The following CARD14 variants were observed in gnomAD, a reference collection of about 807,000 sequenced individuals.
CARD14 encodes caspase recruitment domain-containing protein 14.
A neutral mutation model predicts 111.5 loss-of-function variants in CARD14; 107 were observed. The observed-to-expected ratio is 0.96, with a 90% confidence interval of 0.82 to 1.13. CARD14 has a LOEUF of 1.13. CARD14 is among the 50% of genes most tolerant of loss of function. CARD14 has a pLI of 0.00. For synonymous variants in CARD14, 617 were observed against 579.6 expected (o/e 1.06, Z -0.93); for missense variants, 1,322 against 1,362.3 (o/e 0.97, Z 0.47).
At position 80,188,469 on chromosome 17, in the gene CARD14, C is replaced by T. The variant is rs1318707789; in HGVS notation, c.768C>T (p.Asp256=). The change falls in exon 8 of 24, where the codon GAC becomes GAT. Residue 256 remains aspartate (D), a synonymous_variant. Transcript: ENST00000648509. The surrounding 1 kb of genome is among the most constrained non-coding windows in gnomAD (Gnocchi z 4.5). The part of the protein sequence containing the change: ...LQEQSLRTAS[D]QESGDEELNR... ...AGCAGTCCCTGAGGACAGCCAGCGA[C>T]CAGGAGTCCGGGGATGAGGAGCTGA... 6.3e-7 allele frequency: 1 copy of T among 1,598,608 alleles called. No homozygotes were observed.
chr17:80,206,157 C>A (rs1250241346), intron 22 of CARD14, among the ~76,000 whole-genome samples: 7 of 152,212 alleles, frequency 4.6e-5, no homozygotes, highest in Non-Finnish European at 8.8e-5. Context: ...GCATAGCACA[C>A]AGCCTCATTT....
chr17:80,201,458 T>C lies in CARD14; in HGVS notation c.1852-286T>C. 1 of 417,450 alleles carries C rather than the reference T, an allele frequency of 2.4e-6. No individual in the cohort carries two copies. The highest frequency in any genetic ancestry group is 2.5e-5 in the South Asian group (1 of 39,362). The allele number at this position is 417,450 out of a possible 1,614,324, so 25.9% of individuals were successfully genotyped here. On this transcript the variant is annotated intron_variant, in intron 16 of 23. Transcript: ENST00000648509. This position sits in a 1 kb window ranked among gnomAD's most constrained non-coding sequence, Gnocchi z 5.0. ...CGAGGTTCTTTCTTTTCTTTTCTTT[T>C]CTTTTTCAAGACAGGAAAGTGCTTA...
At chr17:80,191,827 G>T (rs930867559) in intron 11 of CARD14, among the ~76,000 whole-genome samples, 1 of 151,802 alleles carries the variant, frequency 6.6e-6, no homozygotes, top group African/African-American at 2.4e-5. Context: ...CAGTGTAGAT[G>T]CTGTGTTCCT....
intron 21 of CARD14, 113 bp downstream of exon 21, chr17:80,205,318 C>A: frequency 8.5e-7 from 1 of 1,174,178 alleles, no homozygotes; most frequent in Non-Finnish European, 1.2e-6. Context: ...CCACCACGCA[C>A]ATTCCCACAC....
rs2041079038 is a variant in CARD14 at position 80,203,141 on chromosome 17, G to GTGCC, written c.2220-678_2220-675dup. On this transcript the variant is annotated intron_variant, in intron 18 of 23. Transcript: ENST00000648509. This position sits in a 1 kb window ranked among gnomAD's most constrained non-coding sequence, Gnocchi z 4.6. ...AAAACTTAGCTGGGCGTGGTGGCAG[G>GTGCC]TGCCTGTAATCCCAGCTACTCAGGA... 1 of 152,082 alleles carries GTGCC rather than the reference G, an allele frequency of 6.6e-6. No individual in the cohort carries two copies. Among genetic ancestry groups the GTGCC allele is most frequent in the African/African-American group, 2.4e-5 (1 of 41,374 alleles). 9.4% of individuals were successfully genotyped at this position (152,082 alleles called of 1,614,324 possible).
chr17:80,201,601 C>A lies in CARD14; in HGVS notation c.1852-143C>A. 1 of 809,996 alleles carries A rather than the reference C, an allele frequency of 1.2e-6. No individual in the cohort carries two copies. Among genetic ancestry groups the A allele is most frequent in the Non-Finnish European group, 2.1e-6 (1 of 475,626 alleles). 50.2% of individuals were successfully genotyped at this position (809,996 alleles called of 1,614,324 possible). A position where few individuals can be genotyped will look rare whatever the true frequency, so the allele number is the denominator to read the frequency against. ...GCCCCACAGAGGCTCTGGTGTGTGG[C>A]TTTGTTTTGACCAAGGCGTGCAGGC... On this transcript the variant is annotated intron_variant, in intron 16 of 23. Transcript: ENST00000648509. This position sits in a 1 kb window ranked among gnomAD's most constrained non-coding sequence, Gnocchi z 5.0.
intron 1 of CARD14, among the ~76,000 whole-genome samples, chr17:80,172,009 C>T (rs546947181): frequency 5.4e-4 from 83 of 152,322 alleles, no homozygotes; most frequent in African/African-American, 1.4e-3. Flanking sequence ...TCAGGATATC[C>T]GCAGAGACCT....
chr17:80,198,277 T>G lies in CARD14; in HGVS notation c.1658+115T>G. The G allele has an allele frequency of 6.4e-7, 1 of 1,563,252 alleles. No homozygotes were observed. The highest frequency in any genetic ancestry group is 8.8e-7 in the Non-Finnish European group (1 of 1,141,752). Reference sequence around the variant, plus strand: ...GGAGGCAACAGCCTTTCCAAGCACATGGGGCCATGGAGGGGGAGGAGAATT... The same window carrying G: ...GGAGGCAACAGCCTTTCCAAGCACAGGGGGCCATGGAGGGGGAGGAGAATT... On this transcript the variant is annotated intron_variant, in intron 15 of 23. Coordinates refer to ENST00000648509, the MANE Select transcript of CARD14 (RefSeq NM_001366385.1). This position sits in a 1 kb window ranked among gnomAD's most constrained non-coding sequence, Gnocchi z 7.5.
Position 80,198,378 on chromosome 17 carries a change from C to T in CARD14, c.1659-21C>T, listed in dbSNP as rs769153687. ...CTCCTGCTCTGGGCAGTGCACAAGCCGGTCGTCTCCCGGCCTGCAGCGGCG... is the reference window on the plus strand; with the variant it reads ...CTCCTGCTCTGGGCAGTGCACAAGCTGGTCGTCTCCCGGCCTGCAGCGGCG... On this transcript the variant is annotated intron_variant, in intron 15 of 23. Coordinates refer to ENST00000648509, the MANE Select transcript of CARD14 (RefSeq NM_001366385.1). This position sits in a 1 kb window ranked among gnomAD's most constrained non-coding sequence, Gnocchi z 7.5. 41 of 1,584,018 alleles carry T rather than the reference C, an allele frequency of 2.6e-5. No individual in the cohort carries two copies. Among genetic ancestry groups the T allele is most frequent in the Middle Eastern group, 1.7e-4 (1 of 5,900 alleles).
At chr17:80,172,539 G>A (rs935562007) in intron 1 of CARD14, among the ~76,000 whole-genome samples, 5 of 152,248 alleles carry the variant, frequency 3.3e-5, no homozygotes, top group South Asian at 4.1e-4. Flanking sequence ...CGCTTTCATC[G>A]GGGCTGAGGG....
chr17:80,198,062 G>A lies in CARD14; in HGVS notation c.1595-37G>A, dbSNP rs913105567. 21 of 1,610,434 alleles carry A rather than the reference G, an allele frequency of 1.3e-5. No homozygotes were observed. The highest frequency in any genetic ancestry group is 1.4e-5 in the Non-Finnish European group (17 of 1,177,658). On this transcript the variant is annotated intron_variant, in intron 14 of 23. Coordinates refer to ENST00000648509, the MANE Select transcript of CARD14 (RefSeq NM_001366385.1). The surrounding 1 kb of genome is among the most constrained non-coding windows in gnomAD (Gnocchi z 7.5). ...TTACAGGACGCCCCATCAGCAGTGG[G>A]GTGACCAAGATCTGTGAGCTCTTGG...
chr17:80,208,350 C>A lies in CARD14; in HGVS notation c.*5C>A. 6.3e-7 allele frequency: 1 copy of A among 1,586,310 alleles called. No individual in the cohort carries two copies. Among genetic ancestry groups the A allele is most frequent in the Non-Finnish European group, 8.6e-7 (1 of 1,164,542 alleles). On this transcript the variant is annotated 3_prime_UTR_variant, in exon 24 of 24. Coordinates refer to ENST00000648509, the MANE Select transcript of CARD14 (RefSeq NM_001366385.1). The stretch of plus-strand genomic sequence containing the variant: ...ACGGAGCAGAGCCCCCGATGATGCA[C>A]CGTGCCCCTTCCCGGGACTGTGGGG...
At position 80,195,338 on chromosome 17, in the gene CARD14, AGCACTGGGGTCCTTCCTGGCACTGGGGTG is replaced by A. The variant is rs747205873; in HGVS notation, c.1499+27_1499+55del. 375 of 1,605,532 alleles carry A rather than the reference AGCACTGGGGTCCTTCCTGGCACTGGGGTG, an allele frequency of 2.3e-4. No homozygotes were observed. Among genetic ancestry groups the A allele is most frequent in the Non-Finnish European group, 3.0e-4 (350 of 1,174,328 alleles). ...GGAAGAACCCTGGTCTTTCAGGTAG[AGCACTGGGGTCCTTCCTGGCACTGGGGTG>A]GCACTGGGGTCCTTCCTGGCAACTC... On this transcript the variant is annotated splice_donor_region_variant and intron_variant, in intron 13 of 23. Coordinates refer to ENST00000648509, the MANE Select transcript of CARD14 (RefSeq NM_001366385.1). This position sits in a 1 kb window ranked among gnomAD's most constrained non-coding sequence, Gnocchi z 4.7.
Position 80,195,626 on chromosome 17 carries a change from TG to T in CARD14, c.1570del (p.Asp524IlefsTer5), listed in dbSNP as rs776893192. On this transcript the variant is annotated frameshift_variant, in exon 14 of 24. Transcript: ENST00000648509. LOFTEE classifies it high-confidence loss of function. The surrounding 1 kb of genome is among the most constrained non-coding windows in gnomAD (Gnocchi z 4.7). ...LPGAKAGDPH[L>X]DYELLDTADL... ...GGAGCTAAGGCAGGCGACCCACACCTGGATTATGAGCTCCTAGACACGGCAG... is the reference window on the plus strand; with the variant it reads ...GGAGCTAAGGCAGGCGACCCACACCTGATTATGAGCTCCTAGACACGGCAG... 2.5e-6 allele frequency: 4 copies of T among 1,613,512 alleles called. No homozygotes were observed. In the Admixed American group the frequency reaches 6.7e-5, roughly 27 times the overall value.
At chr17:80,175,222 C>A (rs1421181782) in intron 2 of CARD14, among the ~76,000 whole-genome samples, 1 of 152,152 alleles carries the variant, frequency 6.6e-6, no homozygotes, top group African/African-American at 2.4e-5. Flanking sequence ...AAGCGATCTG[C>A]CTGCCTCAGC....
rs187269768 is a variant in CARD14, at chr17:80,189,023, C to T, written c.843+479C>T. 3.4e-3 allele frequency among the ~76,000 whole-genome samples: 519 copies of T among 152,326 alleles called. 1 individual carries two copies. Among genetic ancestry groups the T allele is most frequent in the African/African-American group, 0.011 (472 of 41,568 alleles). On this transcript the variant is annotated intron_variant, in intron 8 of 23. Coordinates refer to ENST00000648509, the MANE Select transcript of CARD14 (RefSeq NM_001366385.1). The surrounding 1 kb of genome is among the most constrained non-coding windows in gnomAD (Gnocchi z 4.7). ...CTGAGATCACGCCACTGCACTCCAG[C>T]CTGGCGACAGAGGGAGACCCTGTCT...
intron 7 of CARD14, among the ~76,000 whole-genome samples, chr17:80,184,572 T>C (rs2040281404): frequency 6.6e-6 from 1 of 152,238 alleles, no homozygotes; most frequent in Non-Finnish European, 1.5e-5. Flanking sequence ...GCCGCCTACG[T>C]CCCACTGCCC....
At chr17:80,202,089 C>T (rs564084522) in intron 17 of CARD14, 91 bp from the exon 18 acceptor site, 2 of 1,186,604 alleles carry the variant, frequency 1.7e-6, no homozygotes, top group Admixed American at 1.9e-5. Context: ...CTGGGAGGGT[C>T]CTTCCTTCTC....
chr17:80,202,522 G>C (rs2041039817), intron 18 of CARD14, 102 bp downstream of exon 18: 2 of 1,510,826 alleles, frequency 1.3e-6, no homozygotes, highest in Admixed American at 3.9e-5. Context: ...ATAGAGGGTG[G>C]GCGTGGTGAG....
Sources: gnomAD v4.1 joint callset for allele counts (sites outside exome capture counted in the v4.1 genomes callset) on GRCh38, gnomAD v4.1.1 for gene constraint, Gnocchi (gnomAD v3.1) non-coding constraint, MANE v1.5 for transcripts, NCBI Gene and HGNC (gene_info 2026-07-23, HGNC 2026-07-21) for gene names.